SNCAIP: variants seen among roughly 807,000 people sequenced by gnomAD.
SNCAIP encodes the protein synphilin-1.
A neutral mutation model predicts 86.7 loss-of-function variants in SNCAIP; 43 were observed. The ratio of observed to expected loss-of-function variants is 0.50; its 90% CI spans 0.39 to 0.64. The LOEUF is 0.64. Among genes scored for constraint, SNCAIP ranks in the 30% least tolerant of loss-of-function variants. The probability of loss-of-function intolerance (pLI) is 0.00; values close to 1 mark genes in which losing one functional copy is unlikely to be tolerated. For missense variants in SNCAIP, 981 were observed against 1,103.1 expected, an observed-to-expected ratio of 0.89 and a Z score of 1.57; for synonymous variants, 417 against 427.2, an observed-to-expected ratio of 0.98 and a Z score of 0.29.
At chr5:122,435,945 C>A (rs1190105053) in intron 6 of SNCAIP, among the ~76,000 whole-genome samples, 2 of 152,104 alleles carry the variant, frequency 1.3e-5, no homozygotes, top group African/African-American at 4.8e-5. Flanking sequence ...CTGATCTTGA[C>A]AAAGCATAAC....
At chr5:122,416,493 C>T (rs1775337157) in intron 3 of SNCAIP, among the ~76,000 whole-genome samples, 2 of 151,966 alleles carry the variant, frequency 1.3e-5, no homozygotes, top group South Asian at 4.1e-4. Context: ...ACTCATTCCT[C>T]ACACACACTT....
chr5:122,327,132 A>G (rs948401088), intron 1 of SNCAIP, among the ~76,000 whole-genome samples: 1 of 151,976 alleles, frequency 6.6e-6, no homozygotes, highest in African/African-American at 2.4e-5. Context: ...ATAAAGTCCA[A>G]TTTTTATTGA....
chr5:122,412,829 C>A (rs1469871798), intron 3 of SNCAIP, among the ~76,000 whole-genome samples: 2 of 152,252 alleles, frequency 1.3e-5, no homozygotes, highest in African/African-American at 4.8e-5. Flanking sequence ...ACTCTGCTGA[C>A]TGAAACATCT....
chr5:122,442,368 T>C (rs1441050532), intron 7 of SNCAIP, among the ~76,000 whole-genome samples: 2 of 152,124 alleles, frequency 1.3e-5, no homozygotes, highest in African/African-American at 2.4e-5. Context: ...GCAGAGATAA[T>C]AGCAGAAATC....
At chr5:122,368,712 TA>T (rs998378542) in intron 1 of SNCAIP, among the ~76,000 whole-genome samples, 1 of 152,204 alleles carries the variant, frequency 6.6e-6, no homozygotes, top group African/African-American at 2.4e-5. Context: ...TCTCAGCAGT[TA>T]GCACAGTAAT....
intron 2 of SNCAIP, among the ~76,000 whole-genome samples, chr5:122,403,572 C>T (rs1387075560): frequency 6.6e-6 from 1 of 151,926 alleles, no homozygotes; most frequent in African/African-American, 2.4e-5. Context: ...GAAGGAGTGC[C>T]CAGCCCTCTT....
At chr5:122,446,770 G>T (rs1782408185) in intron 8 of SNCAIP, among the ~76,000 whole-genome samples, 1 of 152,202 alleles carries the variant, frequency 6.6e-6, no homozygotes, top group Non-Finnish European at 1.5e-5. Context: ...ACAAGGACAG[G>T]AGAGAGGATG....
chr5:122,449,296 A>G (rs1192674739), intron 8 of SNCAIP, among the ~76,000 whole-genome samples: 4 of 152,186 alleles, frequency 2.6e-5, no homozygotes, highest in African/African-American at 9.7e-5. Context: ...GAATGGCTGT[A>G]TGGATACTCA....
At chr5:122,330,075 A>C (rs899008318) in intron 1 of SNCAIP, among the ~76,000 whole-genome samples, 2 of 150,770 alleles carry the variant, frequency 1.3e-5, no homozygotes, top group Non-Finnish European at 2.9e-5. Context: ...TATAGCAAGC[A>C]CTTGATGAAG....
intron 3 of SNCAIP, among the ~76,000 whole-genome samples, chr5:122,416,353 C>T (rs576313035): frequency 5.9e-5 from 9 of 152,266 alleles, no homozygotes; most frequent in Non-Finnish European, 1.0e-4. Flanking sequence ...GTGGATAGAT[C>T]GTTGGCTGGC....
Position 122,449,885 on chromosome 5 carries a change from C to A in SNCAIP, c.1633C>A (p.Gln545Lys). Residue 545 changes from glutamine (Q) to lysine (K), a missense_variant, in exon 9 of 11, where the codon CAA (glutamine) becomes AAA (lysine). Coordinates refer to ENST00000261368, the MANE Select transcript of SNCAIP (RefSeq NM_005460.4). ...ERVTLQNQLQ[Q>K]FLEAQKSEGK... is the part of the protein sequence containing the mutation. ...TGTCACGCTGCAGAACCAACTCCAA[C>A]AATTTCTAGAAGCCCAGAAATCAGA... 1 of 1,614,016 alleles carries A rather than the reference C, an allele frequency of 6.2e-7. No homozygotes were observed. Among genetic ancestry groups the A allele is most frequent in the South Asian group, 1.1e-5 (1 of 91,088 alleles).
At chr5:122,408,893 G>A (rs1213255971) in intron 3 of SNCAIP, among the ~76,000 whole-genome samples, 1 of 152,180 alleles carries the variant, frequency 6.6e-6, no homozygotes, top group Non-Finnish European at 1.5e-5. Flanking sequence ...CTATTTTATT[G>A]ATGAGGAAAC....
chr5:122,425,435 C>T lies in SNCAIP; in HGVS notation c.1086C>T (p.His362=), dbSNP rs771730179. The T allele has an allele frequency of 1.1e-5, 17 of 1,613,740 alleles. No individual in the cohort carries two copies. The highest frequency in any genetic ancestry group is 1.6e-4 in the Middle Eastern group (1 of 6,084). The change falls in exon 5 of 11, where the codon CAC becomes CAT. Residue 362 remains histidine, a synonymous_variant. Coordinates refer to ENST00000261368, the MANE Select transcript of SNCAIP (RefSeq NM_005460.4). ...TACATATTGCGGCGTCACAGGGACA[C>T]GCAGAGTGTCTACAGCACCTCACTT... The part of the protein sequence containing the change: ...NLLHIAASQG[H]AECLQHLTSL...
intron 1 of SNCAIP, chr5:122,321,698 C>T (rs1175497988): frequency 6.6e-6 from 1 of 152,144 alleles, no homozygotes; most frequent in Non-Finnish European, 1.5e-5. Context: ...CCTGTCCAAC[C>T]CCTGCTCCCT....
intron 1 of SNCAIP, among the ~76,000 whole-genome samples, chr5:122,356,303 T>A (rs1327304240): frequency 6.6e-6 from 1 of 151,848 alleles, no homozygotes; most frequent in Non-Finnish European, 1.5e-5. Context: ...ATTTTTGTAG[T>A]GACAAGGCCT....
At chr5:122,371,547 A>G (rs1260825275) in intron 1 of SNCAIP, 1 of 146,744 alleles carries the variant, frequency 6.8e-6, no homozygotes, top group Non-Finnish European at 1.6e-5. Context: ...CATGATTTGT[A>G]TATTATAAAC....
intron 1 of SNCAIP, among the ~76,000 whole-genome samples, chr5:122,386,598 A>G (rs866195835): frequency 6.6e-6 from 1 of 152,208 alleles, no homozygotes; most frequent in African/African-American, 2.4e-5. Context: ...GGTTTCTCCC[A>G]GTGCTGTGGG....
At chr5:122,385,694 T>C (rs1767989521) in intron 1 of SNCAIP, among the ~76,000 whole-genome samples, 1 of 151,962 alleles carries the variant, frequency 6.6e-6, no homozygotes, top group Admixed American at 6.6e-5. Flanking sequence ...TGTGTGTGTG[T>C]GTGTGTGTGT....
chr5:122,455,594 C>A (rs1429376665), intron 10 of SNCAIP, among the ~76,000 whole-genome samples: 3 of 152,072 alleles, frequency 2.0e-5, no homozygotes, highest in Admixed American at 6.5e-5. Context: ...ATCAGCATAT[C>A]CCTGGGGAAA....
Sources: allele counts gnomAD v4.1 joint callset (sites outside exome capture counted in the v4.1 genomes callset), GRCh38; gene constraint gnomAD v4.1.1; transcripts MANE v1.5; gene names NCBI Gene and HGNC (gene_info 2026-07-23, HGNC 2026-07-21).